Variants in DACT3 observed in about 807,000 individuals in gnomAD.
The protein encoded by DACT3 is dishevelled binding antagonist of beta catenin 3, also known as dapper homolog 3.
DACT3 carries 5 observed loss-of-function variants against 19.6 expected under a neutral mutation model. The observed-to-expected ratio is 0.26, with a 90% CI of 0.13 to 0.54. The LOEUF (loss-of-function observed/expected upper bound fraction) is 0.54. Among genes scored for constraint, DACT3 ranks in the 20% least tolerant of loss-of-function variants. The probability of loss-of-function intolerance (pLI) is 0.95; values close to 1 mark genes in which losing one functional copy is unlikely to be tolerated. For synonymous variants in DACT3, 454 were observed against 428.1 expected (o/e 1.06, Z -0.75); for missense variants, 908 against 927.4 (o/e 0.98, Z 0.27).
At position 46,648,345 on chromosome 19, in the gene DACT3, TAG is replaced by T; in HGVS notation, c.*135_*136del. On this transcript the variant is annotated 3_prime_UTR_variant, in exon 4 of 4. Transcript: ENST00000391916. This position sits in a 1 kb window ranked among gnomAD's most constrained non-coding sequence, Gnocchi z 5.1. ...GGGGAGCCTTTTCAACCAAGACTGTTAGGAGTGGGGAGAGTGAGGGGGGTCTT... is the reference window on the plus strand; with the variant it reads ...GGGGAGCCTTTTCAACCAAGACTGTTGAGTGGGGAGAGTGAGGGGGGTCTT... 1 of 1,415,178 alleles carries T rather than the reference TAG, an allele frequency of 7.1e-7. No homozygotes were observed. The highest frequency in any genetic ancestry group is 1.3e-5 in the South Asian group (1 of 75,906). 87.7% of individuals were successfully genotyped at this position (1,415,178 alleles called of 1,614,324 possible).
In DACT3 at chr19:46,648,863, G is replaced by C; in HGVS notation, c.1509C>G (p.Gly503=). The change falls in exon 4 of 4, where the codon GGC becomes GGG. Residue 503 remains glycine, a synonymous_variant. Coordinates refer to ENST00000391916, the MANE Select transcript of DACT3 (RefSeq NM_145056.3). The surrounding 1 kb of genome is among the most constrained non-coding windows in gnomAD (Gnocchi z 5.1). ...GACGCTGGGGAGCTGACGGGGACGG[G>C]CCGGGGCCGGGAACACGCGCCGCAG... is the stretch of plus-strand genomic sequence containing the variant. ...RAPAARVPGP[G]PSPSAPQRRL... is the part of the protein sequence containing the mutation. The C allele has an allele frequency of 7.0e-7, 1 of 1,427,118 alleles. No homozygotes were observed. Among genetic ancestry groups the C allele is most frequent in the Non-Finnish European group, 9.1e-7 (1 of 1,101,878 alleles). The allele number at this position is 1,427,118 out of a possible 1,614,324, so 88.4% of individuals were successfully genotyped here.
chr19:46,649,546 C>G lies in DACT3; in HGVS notation c.826G>C (p.Asp276His). Residue 276 changes from aspartate to histidine, a missense_variant, in exon 4 of 4, where the codon GAC becomes CAC. Asp to His is a moderately conservative substitution (Grantham distance 81). Around this residue, in one of 2 missense-constraint regions of DACT3, gnomAD observed 656 missense variants for 601.8 expected, o/e 1.09. Transcript: ENST00000391916. ...CTGTTCTGGCGCCGCGGGCCGCCGT[C>G]CGCGCCCCCGGGACTGGTCCGGGGC... is the stretch of plus-strand genomic sequence containing the variant. Reference protein sequence around the residue: ...GQPRTSPGGADGGPRRQNSVR... With the variant: ...GQPRTSPGGAHGGPRRQNSVR... 9.6e-7 allele frequency: 1 copy of G among 1,045,082 alleles called. No homozygotes were observed. Among genetic ancestry groups the G allele is most frequent in the Non-Finnish European group, 1.1e-6 (1 of 871,480 alleles). The allele number at this position is 1,045,082 out of a possible 1,614,324, so 64.7% of individuals were successfully genotyped here. A position where few individuals can be genotyped will look rare whatever the true frequency, so the allele number is the denominator to read the frequency against.
Position 46,648,226 on chromosome 19 carries a change from C to T in DACT3, c.*256G>A. 1 of 566,184 alleles carries T rather than the reference C, an allele frequency of 1.8e-6. No individual in the cohort carries two copies. The highest frequency in any genetic ancestry group is 3.1e-6 in the Non-Finnish European group (1 of 319,300). The allele number at this position is 566,184 out of a possible 1,614,324, so 35.1% of individuals were successfully genotyped here. A position where few individuals can be genotyped will look rare whatever the true frequency, so the allele number is the denominator to read the frequency against. On this transcript the variant is annotated 3_prime_UTR_variant, in exon 4 of 4. Transcript: ENST00000391916. The surrounding 1 kb of genome is among the most constrained non-coding windows in gnomAD (Gnocchi z 5.1). ...TACTGTACAGATGAGGAAAGTGACG[C>T]CCAGAGAAGGGGAACTGTCTTGCCC... is the stretch of plus-strand genomic sequence containing the variant.
intron 3 of DACT3, 164 bp from the exon 4 acceptor site, chr19:46,650,036 T>A: frequency 2.5e-6 from 2 of 807,686 alleles, no homozygotes; most frequent in Non-Finnish European, 3.3e-6. Context: ...GTAAAATTCA[T>A]AATAAAATCT....
Position 46,648,164 on chromosome 19 carries a change from T to A in DACT3, c.*318A>T. ...AGGCTTCTAAACTAAAACGGGGAAA[T>A]TCAAACCGAATTACCCCTTTTGCAT... On this transcript the variant is annotated 3_prime_UTR_variant, in exon 4 of 4. Coordinates refer to ENST00000391916, the MANE Select transcript of DACT3 (RefSeq NM_145056.3). The surrounding 1 kb of genome is among the most constrained non-coding windows in gnomAD (Gnocchi z 5.1). 1 of 302,564 alleles carries A rather than the reference T, an allele frequency of 3.3e-6. No individual in the cohort carries two copies. The highest frequency in any genetic ancestry group is 6.2e-6 in the Non-Finnish European group (1 of 162,322). 18.7% of individuals were successfully genotyped at this position (302,564 alleles called of 1,614,324 possible). A position where few individuals can be genotyped will look rare whatever the true frequency, so the allele number is the denominator to read the frequency against.
At position 46,660,957 on chromosome 19, in the gene DACT3, C is replaced by A; in HGVS notation, c.108G>T (p.Arg36Ser). Reference sequence around the variant, plus strand: ...GCGCCTGCTGCACGCGGTACTCCTGCCTCTCCCGGAGCCAATGTAACTCGC... The same window carrying A: ...GCGCCTGCTGCACGCGGTACTCCTGACTCTCCCGGAGCCAATGTAACTCGC... ...GLCELHWLRE[R>S]QEYRVQQALR... The change falls in exon 1 of 4, where the codon AGG becomes AGT. Residue 36 changes from arginine (R) to serine (S), a missense_variant. Physicochemically the swap from Arg to Ser is moderately radical, Grantham distance 110. Coordinates refer to ENST00000391916, the MANE Select transcript of DACT3 (RefSeq NM_145056.3). This position sits in a 1 kb window ranked among gnomAD's most constrained non-coding sequence, Gnocchi z 4.9. 1 of 1,540,772 alleles carries A rather than the reference C, an allele frequency of 6.5e-7. No individual in the cohort carries two copies. Among genetic ancestry groups the A allele is most frequent in the Non-Finnish European group, 8.7e-7 (1 of 1,146,002 alleles).
chr19:46,650,080 CCTGCCT>C (rs1161679751), intron 3 of DACT3: 4 of 410,380 alleles, frequency 9.7e-6, no homozygotes, highest in Non-Finnish European at 1.6e-5. Flanking sequence ...CGTGACTTGT[CCTGCCT>C]CTGCCTCTGC....
Position 46,648,339 on chromosome 19 carries a change from GACT to G in DACT3, c.*140_*142del. The G allele has an allele frequency of 7.1e-7, 1 of 1,412,742 alleles. No homozygotes were observed. The highest frequency in any genetic ancestry group is 1.4e-5 in the South Asian group (1 of 74,006). 87.5% of individuals were successfully genotyped at this position (1,412,742 alleles called of 1,614,324 possible). A position where few individuals can be genotyped will look rare whatever the true frequency, so the allele number is the denominator to read the frequency against. On this transcript the variant is annotated 3_prime_UTR_variant, in exon 4 of 4. Transcript: ENST00000391916. This position sits in a 1 kb window ranked among gnomAD's most constrained non-coding sequence, Gnocchi z 5.1. ...GTGGTGGGGGAGCCTTTTCAACCAA[GACT>G]GTTAGGAGTGGGGAGAGTGAGGGGG...
rs2053070828 is a variant in DACT3 at position 46,660,900 on chromosome 19, G to A, written c.165C>T (p.Ala55=). The change falls in exon 1 of 4, where the codon GCC becomes GCT. Residue 55 remains alanine, a synonymous_variant. Coordinates refer to ENST00000391916, the MANE Select transcript of DACT3 (RefSeq NM_145056.3). This position sits in a 1 kb window ranked among gnomAD's most constrained non-coding sequence, Gnocchi z 4.9. ...CGGCGTCCTCCTCGTCCTCGGCCTC[G>A]GCGCCCCCCATTCCGGGCTGGGCCA... The part of the protein sequence containing the change: ...LRLAQPGMGG[A]EAEDEEDADE... The A allele has an allele frequency of 6.5e-7, 1 of 1,537,132 alleles. No homozygotes were observed. Among genetic ancestry groups the A allele is most frequent in the East Asian group, 2.5e-5 (1 of 40,546 alleles).
intron 1 of DACT3, chr19:46,654,062 A>G: frequency 1.0e-6 from 1 of 985,360 alleles, no homozygotes; most frequent in South Asian, 4.7e-5. Flanking sequence ...CTGTGAGTCT[A>G]GCCTTACTGG....
chr19:46,648,874 G>A lies in DACT3; in HGVS notation c.1498C>T (p.Pro500Ser), dbSNP rs1398348764. Residue 500 changes from proline (P) to serine (S), a missense_variant, in exon 4 of 4, where the codon CCC becomes TCC. By Grantham distance (74) the Pro-to-Ser change is moderately conservative (BLOSUM62 -1). Transcript: ENST00000391916. The surrounding 1 kb of genome is among the most constrained non-coding windows in gnomAD (Gnocchi z 5.1). ...VRPRAPAARVPGPGPSPSAPQ... is the reference protein window; with the variant it reads ...VRPRAPAARVSGPGPSPSAPQ... ...GCTGACGGGGACGGGCCGGGGCCGG[G>A]AACACGCGCCGCAGGGGCTCGGGGC... 3.4e-5 allele frequency: 48 copies of A among 1,412,278 alleles called. No individual in the cohort carries two copies. The highest frequency in any genetic ancestry group is 4.0e-5 in the Non-Finnish European group (44 of 1,094,432). The allele number at this position is 1,412,278 out of a possible 1,614,324, so 87.5% of individuals were successfully genotyped here.
Position 46,648,509 on chromosome 19 carries a change from A to G in DACT3, c.1863T>C (p.Gly621=), listed in dbSNP as rs2052940154. Residue 621 remains glycine (G), a synonymous_variant, in exon 4 of 4, where the codon GGT becomes GGC. Coordinates refer to ENST00000391916, the MANE Select transcript of DACT3 (RefSeq NM_145056.3). This position sits in a 1 kb window ranked among gnomAD's most constrained non-coding sequence, Gnocchi z 5.1. ...LKKKILRFRS[G]SLKVMTTV Reference sequence around the variant, plus strand: ...ACACTGTAGTCATGACCTTGAGAGAACCCGAACGGAAACGCAGTATCTTTT... The same window carrying G: ...ACACTGTAGTCATGACCTTGAGAGAGCCCGAACGGAAACGCAGTATCTTTT... 4 of 1,613,704 alleles carry G rather than the reference A, an allele frequency of 2.5e-6. No individual in the cohort carries two copies. Among genetic ancestry groups the G allele is most frequent in the African/African-American group, 1.3e-5 (1 of 74,872 alleles).
At position 46,648,459 on chromosome 19, in the gene DACT3, G is replaced by T; in HGVS notation, c.*23C>A. On this transcript the variant is annotated 3_prime_UTR_variant, in exon 4 of 4. Coordinates refer to ENST00000391916, the MANE Select transcript of DACT3 (RefSeq NM_145056.3). The surrounding 1 kb of genome is among the most constrained non-coding windows in gnomAD (Gnocchi z 5.1). The stretch of plus-strand genomic sequence containing the variant: ...GTGGAGGTGCAGAGGCCATGAAGGG[G>T]GAGCCCAAGCAAATCCCCAAACTCA... 1 of 1,613,714 alleles carries T rather than the reference G, an allele frequency of 6.2e-7. No homozygotes were observed. Among genetic ancestry groups the T allele is most frequent in the Non-Finnish European group, 8.5e-7 (1 of 1,179,790 alleles).
intron 1 of DACT3, among the ~76,000 whole-genome samples, chr19:46,658,348 G>A (rs1462044064): frequency 1.3e-5 from 2 of 152,136 alleles, no homozygotes; most frequent in African/African-American, 2.4e-5. Flanking sequence ...AGCTATGATC[G>A]TGCCACTGCA....
At chr19:46,658,229 T>TAA (rs34025756) in intron 1 of DACT3, among the ~76,000 whole-genome samples, 1,517 of 142,694 alleles carry the variant, frequency 0.011, 25 homozygotes, top group South Asian at 0.069. Flanking sequence ...CTCATATCTT[T>TAA]AAAAAAAAAA....
In DACT3 at chr19:46,649,676, G is replaced by A. The variant is rs1189474766; in HGVS notation, c.696C>T (p.Cys232=). The change falls in exon 4 of 4, where the codon TGC becomes TGT. Residue 232 remains cysteine (C), a synonymous_variant. Coordinates refer to ENST00000391916, the MANE Select transcript of DACT3 (RefSeq NM_145056.3). ...HAVAMRSPRP[C]GRPPTDSPDA... ...CGGGCGAGTCGGTGGGAGGGCGGCC[G>A]CAGGGCCGCGGGCTGCGCATCGCCA... 1.7e-6 allele frequency: 2 copies of A among 1,175,534 alleles called. No homozygotes were observed. Among genetic ancestry groups the A allele is most frequent in the Non-Finnish European group, 2.1e-6 (2 of 952,712 alleles). The allele number at this position is 1,175,534 out of a possible 1,614,324, so 72.8% of individuals were successfully genotyped here. A position where few individuals can be genotyped will look rare whatever the true frequency, so the allele number is the denominator to read the frequency against.
intron 1 of DACT3, chr19:46,654,199 G>C: frequency 2.0e-6 from 2 of 985,336 alleles, no homozygotes; most frequent in African/African-American, 3.5e-5. Context: ...AAATTTCGGG[G>C]AGTCAGGCCG....
intron 1 of DACT3, chr19:46,654,667 C>A: frequency 1.0e-6 from 1 of 985,416 alleles, no homozygotes; most frequent in Non-Finnish European, 1.2e-6. Flanking sequence ...GGCCGGGTAG[C>A]AGCAGGCAGC....
intron 1 of DACT3, 132 bp from the exon 2 acceptor site, chr19:46,653,207 C>T (rs1448366532): frequency 9.7e-6 from 13 of 1,347,046 alleles, no homozygotes; most frequent in Non-Finnish European, 1.3e-5. Flanking sequence ...AAAAGCAGTA[C>T]CTCAGTCCCA....
Sources: allele counts gnomAD v4.1 joint callset (sites outside exome capture counted in the v4.1 genomes callset), GRCh38; gene constraint gnomAD v4.1.1; regional missense constraint gnomAD v4.1.1; non-coding constraint Gnocchi (gnomAD v3.1); transcripts MANE v1.5; gene names NCBI Gene and HGNC (gene_info 2026-07-23, HGNC 2026-07-21).